AGAP1: variants seen among roughly 807,000 people sequenced by gnomAD.
The protein encoded by AGAP1 is arf-GAP with GTPase, ANK repeat and PH domain-containing protein 1.
Under a neutral mutation model 105.3 loss-of-function variants are expected in AGAP1, and 29 were observed. The ratio of observed to expected loss-of-function variants is 0.28; its 90% CI spans 0.21 to 0.38. The LOEUF is 0.38. Ranked by LOEUF, AGAP1 falls within the 10% of genes least tolerant of loss-of-function variation. The pLI is 1.00. For missense variants in AGAP1, 998 were observed against 1,165.1 expected (o/e 0.86, Z 2.09); for synonymous variants, 509 against 485.9 (o/e 1.05, Z -0.63).
At chr2:235,937,652 T>C (rs553036884) in intron 12 of AGAP1, among the ~76,000 whole-genome samples, 2 of 152,368 alleles carry the variant, frequency 1.3e-5, no homozygotes, top group East Asian at 3.9e-4. Flanking sequence ...CTCTTGGCCC[T>C]CTGGCCCTCG....
rs767600561 is a variant in AGAP1 at position 235,988,175 on chromosome 2, T to C, written c.1645+19552T>C. 1.3e-5 allele frequency among the ~76,000 whole-genome samples: 2 copies of C among 152,100 alleles called. No individual in the cohort carries two copies. Among genetic ancestry groups the C allele is most frequent in the Non-Finnish European group, 2.9e-5 (2 of 68,026 alleles). On this transcript the variant is annotated intron_variant, in intron 13 of 17. Coordinates refer to ENST00000304032, the MANE Select transcript of AGAP1 (RefSeq NM_001037131.3). The surrounding 1 kb of genome is among the most constrained non-coding windows in gnomAD (Gnocchi z 4.7). The stretch of plus-strand genomic sequence containing the variant: ...CTCCTGCTTCAGCCTCCCGAGTAGA[T>C]GGGGTTAAAGGTGCCCACCACCACG...
chr2:236,066,874 G>A (rs1167483429), intron 16 of AGAP1, among the ~76,000 whole-genome samples: 2 of 152,140 alleles, frequency 1.3e-5, no homozygotes, highest in Non-Finnish European at 2.9e-5. Flanking sequence ...TTGCCTCTTA[G>A]AAAATTCATG....
chr2:236,107,159 A>C (rs1012320270), intron 16 of AGAP1, among the ~76,000 whole-genome samples: 2 of 146,820 alleles, frequency 1.4e-5, no homozygotes, highest in Non-Finnish European at 3.0e-5. Context: ...CAAACTTCAG[A>C]GGCAGCAGGC....
intron 16 of AGAP1, among the ~76,000 whole-genome samples, chr2:236,093,109 G>A (rs2059106023): frequency 6.6e-6 from 1 of 152,230 alleles, no homozygotes; most frequent in African/African-American, 2.4e-5. Flanking sequence ...AAACAGAGAG[G>A]ATGAGGGAAC....
At chr2:236,037,870 T>C (rs2125668685) in intron 14 of AGAP1, among the ~76,000 whole-genome samples, 1 of 152,324 alleles carries the variant, frequency 6.6e-6, no homozygotes, top group Non-Finnish European at 1.5e-5. Flanking sequence ...TTTCAGACTA[T>C]GATCAACTAG....
At chr2:235,880,718 C>T (rs577945239) in intron 9 of AGAP1, among the ~76,000 whole-genome samples, 19 of 148,016 alleles carry the variant, frequency 1.3e-4, no homozygotes, top group South Asian at 1.1e-3. Context: ...GCAGCCTGGG[C>T]GACAGAGCGA....
rs932333061 is a variant in AGAP1 at position 236,012,344 on chromosome 2, G to T, written c.1646-24217G>T. 6.6e-6 allele frequency among the ~76,000 whole-genome samples: 1 copy of T among 152,070 alleles called. No homozygotes were observed. The highest frequency in any genetic ancestry group is 2.4e-5 in the African/African-American group (1 of 41,390). On this transcript the variant is annotated intron_variant, in intron 13 of 17. Transcript: ENST00000304032. This position sits in a 1 kb window ranked among gnomAD's most constrained non-coding sequence, Gnocchi z 4.9. ...TTATATGTAAATATTGCTGCAAGAG[G>T]TAAGTTGTACTCTTGAGGAGTGCAG... is the stretch of plus-strand genomic sequence containing the variant.
At position 236,049,297 on chromosome 2, in the gene AGAP1, G is replaced by A; in HGVS notation, c.2114+16G>A. 1 of 1,602,050 alleles carries A rather than the reference G, an allele frequency of 6.2e-7. No homozygotes were observed. Among genetic ancestry groups the A allele is most frequent in the Non-Finnish European group, 8.5e-7 (1 of 1,170,108 alleles). On this transcript the variant is annotated intron_variant, in intron 16 of 17. Coordinates refer to ENST00000304032, the MANE Select transcript of AGAP1 (RefSeq NM_001037131.3). ...ACTCCACAAGGTAGGAACTTTGGAA[G>A]ATGCCTGGCTCCCGACACGTTTGCC... is the stretch of plus-strand genomic sequence containing the variant.
At chr2:235,841,859 C>T (rs750905212) in intron 9 of AGAP1, among the ~76,000 whole-genome samples, 1 of 152,138 alleles carries the variant, frequency 6.6e-6, no homozygotes, top group Non-Finnish European at 1.5e-5. Context: ...GGCCGCATTT[C>T]CTCCTGATTT....
chr2:235,948,576 C>T (rs766774997), intron 12 of AGAP1, among the ~76,000 whole-genome samples: 3 of 152,238 alleles, frequency 2.0e-5, no homozygotes, highest in South Asian at 2.1e-4. Flanking sequence ...TTTCCATGGC[C>T]GCTTTGGCAG....
In AGAP1 at chr2:235,557,035, A is replaced by T. The variant is rs976866591; in HGVS notation, c.163+62186A>T. On this transcript the variant is annotated intron_variant, in intron 1 of 17. Coordinates refer to ENST00000304032, the MANE Select transcript of AGAP1 (RefSeq NM_001037131.3). The surrounding 1 kb of genome is among the most constrained non-coding windows in gnomAD (Gnocchi z 4.7). ...AGGTTGGGGGGCGGATCCCGAAGGC[A>T]GACTTGGCCTTCCCAGCTGGCGCGG... 3.3e-5 allele frequency among the ~76,000 whole-genome samples: 5 copies of T among 152,172 alleles called. No homozygotes were observed. Among genetic ancestry groups the T allele is most frequent in the Non-Finnish European group, 5.9e-5 (4 of 68,030 alleles).
intron 16 of AGAP1, among the ~76,000 whole-genome samples, chr2:236,102,107 C>T (rs1281605712): frequency 6.6e-6 from 1 of 152,086 alleles, no homozygotes; most frequent in Non-Finnish European, 1.5e-5. Context: ...CATGGTGAAA[C>T]CCCGTCTCTA....
chr2:235,765,549 G>C (rs1007890131), intron 6 of AGAP1, among the ~76,000 whole-genome samples: 12 of 152,146 alleles, frequency 7.9e-5, no homozygotes, highest in African/African-American at 2.9e-4. Flanking sequence ...TCCTGGTGCC[G>C]TGAGCACAGC....
intron 9 of AGAP1, among the ~76,000 whole-genome samples, chr2:235,828,369 T>G (rs1045040717): frequency 6.6e-6 from 1 of 152,100 alleles, no homozygotes; most frequent in African/African-American, 2.4e-5. Context: ...ATCTCAATTC[T>G]CACAACCACC....
intron 1 of AGAP1, among the ~76,000 whole-genome samples, chr2:235,585,833 G>A (rs1320774430): frequency 6.6e-6 from 1 of 152,072 alleles, no homozygotes; most frequent in East Asian, 1.9e-4. Context: ...ATTATTTTGC[G>A]CGGACCCGAA....
rs2059158898 is a variant in AGAP1, at chr2:236,095,075, G to A, written c.2115-25117G>A. ...GATCAAGCCATTGTACTTTAGCCTT[G>A]GTGAGAGTGAGACACTGTCTCAAAA... On this transcript the variant is annotated intron_variant, in intron 16 of 17. Transcript: ENST00000304032. This position sits in a 1 kb window ranked among gnomAD's most constrained non-coding sequence, Gnocchi z 4.1. Among the ~76,000 whole-genome samples, 1 of 151,674 alleles carries A rather than the reference G, an allele frequency of 6.6e-6. No homozygotes were observed. Among genetic ancestry groups the A allele is most frequent in the Non-Finnish European group, 1.5e-5 (1 of 67,948 alleles).
intron 11 of AGAP1, among the ~76,000 whole-genome samples, chr2:235,928,483 C>T (rs1409329999): frequency 6.6e-6 from 1 of 152,198 alleles, no homozygotes; most frequent in Non-Finnish European, 1.5e-5. Context: ...CCACCCTCAC[C>T]CTCCTCTCTC....
rs868636433 is a variant in AGAP1 at position 235,705,995 on chromosome 2, A to C, written c.164-3184A>C. On this transcript the variant is annotated intron_variant, in intron 1 of 17. Coordinates refer to ENST00000304032, the MANE Select transcript of AGAP1 (RefSeq NM_001037131.3). This position sits in a 1 kb window ranked among gnomAD's most constrained non-coding sequence, Gnocchi z 4.9. ...CACAGTTTACCCTCTTTGTTTTACT[A>C]TTAAAGTTCATTTTTAAAACTTCAC... 6.6e-6 allele frequency among the ~76,000 whole-genome samples: 1 copy of C among 152,204 alleles called. No individual in the cohort carries two copies. Among genetic ancestry groups the C allele is most frequent in the South Asian group, 2.1e-4 (1 of 4,834 alleles).
rs1950983688 is a variant in AGAP1 at position 235,714,229 on chromosome 2, T to C, written c.223-3328T>C. On this transcript the variant is annotated intron_variant, in intron 2 of 17. Coordinates refer to ENST00000304032, the MANE Select transcript of AGAP1 (RefSeq NM_001037131.3). This position sits in a 1 kb window ranked among gnomAD's most constrained non-coding sequence, Gnocchi z 4.1. ...CAGGGTTTCACCATGTTGGCCAGTCTGGTCTTGAACTCCTGACCTCAGGTG... is the reference window on the plus strand; with the variant it reads ...CAGGGTTTCACCATGTTGGCCAGTCCGGTCTTGAACTCCTGACCTCAGGTG... 1.3e-5 allele frequency among the ~76,000 whole-genome samples: 2 copies of C among 152,040 alleles called. No individual in the cohort carries two copies. The highest frequency in any genetic ancestry group is 4.8e-5 in the African/African-American group (2 of 41,392).
Sources: gnomAD v4.1 joint callset for allele counts (sites outside exome capture counted in the v4.1 genomes callset) on GRCh38, gnomAD v4.1.1 for gene constraint, Gnocchi (gnomAD v3.1) non-coding constraint, MANE v1.5 for transcripts, NCBI Gene and HGNC (gene_info 2026-07-23, HGNC 2026-07-21) for gene names.